The following CNTN5 variants were observed in gnomAD, a reference collection of about 807,000 sequenced individuals.
CNTN5 encodes the protein contactin-5.
CNTN5 carries 77 observed loss-of-function variants against 129.1 expected under a neutral mutation model. That is an observed-to-expected ratio of 0.60 (90% confidence interval 0.50 to 0.72). The LOEUF (loss-of-function observed/expected upper bound fraction) is 0.72, where lower values mean the gene tolerates loss of function less well. Among genes scored for constraint, CNTN5 ranks in the 30% least tolerant of loss-of-function variants. The pLI is 0.00. For synonymous variants in CNTN5, 509 were observed against 465.6 expected, an observed-to-expected ratio of 1.09 and a Z score of -1.20; for missense variants, 1,478 against 1,328.8, an observed-to-expected ratio of 1.11 and a Z score of -1.75.
chr11:99,543,341 C>T (rs911832074), intron 2 of CNTN5, among the ~76,000 whole-genome samples: 1 of 152,136 alleles, frequency 6.6e-6, no homozygotes, highest in Non-Finnish European at 1.5e-5. Flanking sequence ...CTGTGGTCAC[C>T]TATTTCTTGT....
At chr11:99,658,811 C>G (rs1282863024) in intron 3 of CNTN5, among the ~76,000 whole-genome samples, 1 of 148,218 alleles carries the variant, frequency 6.7e-6, no homozygotes, top group Non-Finnish European at 1.5e-5. Context: ...TTGCTTGAAC[C>G]CAGGAGGTGG....
At chr11:99,909,492 C>T (rs182023209) in intron 6 of CNTN5, among the ~76,000 whole-genome samples, 48 of 152,080 alleles carry the variant, frequency 3.2e-4, no homozygotes, top group African/African-American at 1.1e-3. Context: ...AAACATGCTG[C>T]TCTAAAGACA....
In CNTN5 at chr11:100,148,868, AT is replaced by A. The variant is rs369159757; in HGVS notation, c.1581-42257del. On this transcript the variant is annotated intron_variant, in intron 13 of 24. Transcript: ENST00000524871. The stretch of plus-strand genomic sequence containing the variant: ...TTGGTAGTGCGGTTCTTATTTAGTA[AT>A]AAATATTTTGGCAGCATGAGCTAAC... Among the ~76,000 whole-genome samples the A allele has an allele frequency of 9.3e-4, 141 of 152,248 alleles. 1 individual carries two copies. Among genetic ancestry groups the A allele is most frequent in the Middle Eastern group, 6.8e-3 (2 of 294 alleles).
chr11:99,168,582 A>G (rs1175404391), intron 1 of CNTN5, among the ~76,000 whole-genome samples: 1 of 150,886 alleles, frequency 6.6e-6, no homozygotes, highest in Non-Finnish European at 1.5e-5. Flanking sequence ...TCCATCTCAA[A>G]ACAAAACAAA....
intron 4 of CNTN5, among the ~76,000 whole-genome samples, chr11:99,826,412 C>G (rs1158611868): frequency 1.3e-5 from 2 of 152,112 alleles, no homozygotes; most frequent in Non-Finnish European, 2.9e-5. Context: ...TGTACTGTAG[C>G]CTCACATGCT....
chr11:99,779,393 C>CT (rs1192228618), intron 3 of CNTN5, among the ~76,000 whole-genome samples: 1 of 152,018 alleles, frequency 6.6e-6, no homozygotes, highest in African/African-American at 2.4e-5. Flanking sequence ...GAATACAACA[C>CT]TAAGACTTTC....
At chr11:100,037,514 T>A (rs1194450781) in intron 9 of CNTN5, among the ~76,000 whole-genome samples, 1 of 152,124 alleles carries the variant, frequency 6.6e-6, no homozygotes, top group Admixed American at 6.5e-5. Context: ...CCTCTTTTTC[T>A]ATTGATTGGA....
At chr11:100,056,529 C>T (rs532580901) in intron 9 of CNTN5, among the ~76,000 whole-genome samples, 3 of 151,394 alleles carry the variant, frequency 2.0e-5, no homozygotes, top group Admixed American at 1.3e-4. Context: ...AGAAAGAGGG[C>T]CATTGTATTT....
intron 2 of CNTN5, among the ~76,000 whole-genome samples, chr11:99,432,955 G>C (rs72989831): frequency 6.7e-6 from 1 of 149,436 alleles, no homozygotes; most frequent in Non-Finnish European, 1.5e-5. Context: ...GCAGTAGCTA[G>C]ATGGTAAATA....
chr11:100,183,882 G>A (rs1948214988), intron 13 of CNTN5, among the ~76,000 whole-genome samples: 2 of 151,966 alleles, frequency 1.3e-5, no homozygotes, highest in Non-Finnish European at 2.9e-5. Flanking sequence ...TCTCCCCCTC[G>A]CCTACCTCTC....
At chr11:100,052,435 G>T (rs1360264971) in intron 9 of CNTN5, among the ~76,000 whole-genome samples, 2 of 151,734 alleles carry the variant, frequency 1.3e-5, no homozygotes, top group Non-Finnish European at 1.5e-5. Context: ...TGGCATAAAT[G>T]TGTATGTGTA....
At chr11:100,287,960 A>T (rs573600283) in intron 18 of CNTN5, among the ~76,000 whole-genome samples, 261 of 152,298 alleles carry the variant, frequency 1.7e-3, no homozygotes, top group African/African-American at 6.0e-3. Flanking sequence ...TTGCAATCCC[A>T]GTCTCTGATA....
At chr11:99,519,518 A>C (rs1346063959) in intron 2 of CNTN5, among the ~76,000 whole-genome samples, 6 of 152,090 alleles carry the variant, frequency 3.9e-5, no homozygotes, top group Non-Finnish European at 1.5e-5. Context: ...TGTCAAATAC[A>C]TTTATGTATC....
chr11:99,558,146 T>TA (rs1205904970), intron 3 of CNTN5: 14 of 187,376 alleles, frequency 7.5e-5, no homozygotes. Flanking sequence ...ATATTATGGT[T>TA]ACTTAAAAAA....
chr11:99,505,731 G>GT lies in CNTN5; in HGVS notation c.-70-50408dup, dbSNP rs1271007952. Among the ~76,000 whole-genome samples the GT allele has an allele frequency of 3.3e-5, 5 of 152,194 alleles. No individual in the cohort carries two copies. The East Asian group carries it at 9.6e-4, about 29-fold the overall frequency. ...ATTTTCCACATTGAATTTCATTTTT[G>GT]TTTTTTAAATAATATCAAACCTTTG... On this transcript the variant is annotated intron_variant, in intron 2 of 24. Coordinates refer to ENST00000524871, the MANE Select transcript of CNTN5 (RefSeq NM_014361.4).
rs199669371 is a variant in CNTN5, at chr11:100,356,533, T to G, written c.*313T>G. 1 of 326,202 alleles carries G rather than the reference T, an allele frequency of 3.1e-6. No homozygotes were observed. The highest frequency in any genetic ancestry group is 5.7e-6 in the Non-Finnish European group (1 of 176,638). The allele number at this position is 326,202 out of a possible 1,614,324, so 20.2% of individuals were successfully genotyped here. On this transcript the variant is annotated 3_prime_UTR_variant, in exon 25 of 25. Transcript: ENST00000524871. ...TTTTTAATATGTTGGGATTTTATTT[T>G]ATATCTGATGACTCCGAGTGTGTGC...
chr11:99,635,534 C>A (rs996538129), intron 3 of CNTN5, among the ~76,000 whole-genome samples: 4 of 151,988 alleles, frequency 2.6e-5, no homozygotes, highest in Non-Finnish European at 5.9e-5. Context: ...TACTCCCTAC[C>A]TTTCTGCTTG....
intron 3 of CNTN5, among the ~76,000 whole-genome samples, chr11:99,663,910 G>A (rs1591443527): frequency 6.6e-6 from 1 of 152,226 alleles, no homozygotes; most frequent in African/African-American, 2.4e-5. Flanking sequence ...TCAAAGTATT[G>A]TCCTTTTAAT....
At chr11:100,312,918 A>T (rs540156389) in intron 21 of CNTN5, among the ~76,000 whole-genome samples, 14 of 152,110 alleles carry the variant, frequency 9.2e-5, no homozygotes, top group East Asian at 3.9e-4. Context: ...CATTTTTTTT[A>T]AAAATCAAGG....
Sources: allele counts gnomAD v4.1 joint callset (sites outside exome capture counted in the v4.1 genomes callset), GRCh38; gene constraint gnomAD v4.1.1; transcripts MANE v1.5; gene names NCBI Gene and HGNC (gene_info 2026-07-23, HGNC 2026-07-21).